Variants in GPR107 observed in about 807,000 individuals in gnomAD.
GPR107 encodes the protein protein GPR107.
A neutral mutation model predicts 75.5 loss-of-function variants in GPR107; 31 were observed. The observed-to-expected ratio is 0.41, with a 90% CI of 0.31 to 0.55. The LOEUF is 0.55. Among genes scored for constraint, GPR107 ranks in the 20% least tolerant of loss-of-function variants. The pLI is 0.26. For missense variants in GPR107, 572 were observed against 665.7 expected, an observed-to-expected ratio of 0.86 and a Z score of 1.55; for synonymous variants, 267 against 251.3, an observed-to-expected ratio of 1.06 and a Z score of -0.59.
Position 130,138,931 on chromosome 9 carries a change from A to G in GPR107, c.*3810A>G, listed in dbSNP as rs1261413383. 4 of 152,200 alleles carry G rather than the reference A, an allele frequency of 2.6e-5. No individual in the cohort carries two copies. The highest frequency in any genetic ancestry group is 9.7e-5 in the African/African-American group (4 of 41,436). 9.4% of individuals were successfully genotyped at this position (152,200 alleles called of 1,614,324 possible). On this transcript the variant is annotated 3_prime_UTR_variant, in exon 18 of 18. Transcript: ENST00000347136. ...TTTCTTTGAGGAAGGCTCTTAGAAC[A>G]TTAGATAGTCTGCTGAGGTTGTTGG...
At chr9:130,124,834 A>T in intron 14 of GPR107, 81 bp from the exon 15 acceptor site, 1 of 814,780 alleles carries the variant, frequency 1.2e-6, no homozygotes, top group Non-Finnish European at 2.0e-6. Context: ...TGGCCTCTTG[A>T]CTGAGAAGGT....
At position 130,104,456 on chromosome 9, in the gene GPR107, A is replaced by G; in HGVS notation, c.1168A>G (p.Thr390Ala). Reference sequence around the variant, plus strand: ...TGTAGCCTACATCATCATAGAGTCCACCGAGGAGGGCACGACTGAATATGG... The same window carrying G: ...TGTAGCCTACATCATCATAGAGTCCGCCGAGGAGGGCACGACTGAATATGG... ...ANVAYIIIES[T>A]EEGTTEYGLW... The change falls in exon 13 of 18, where the codon ACC (threonine) becomes GCC (alanine). Residue 390 changes from threonine to alanine, a missense_variant. Thr to Ala is a moderately conservative substitution (Grantham distance 58, BLOSUM62 0). Coordinates refer to ENST00000347136, the MANE Select transcript of GPR107 (RefSeq NM_020960.5). 6.2e-7 allele frequency: 1 copy of G among 1,613,558 alleles called. No individual in the cohort carries two copies. Among genetic ancestry groups the G allele is most frequent in the Non-Finnish European group, 8.5e-7 (1 of 1,179,484 alleles).
In GPR107 at chr9:130,112,325, C is replaced by A. The variant is rs571181250; in HGVS notation, c.1306+4786C>A. Among the ~76,000 whole-genome samples the A allele has an allele frequency of 8.5e-5, 13 of 152,312 alleles. No homozygotes were observed. The highest frequency in any genetic ancestry group is 3.1e-4 in the African/African-American group (13 of 41,570). ...CCATGCGAGGCATTTGTTAGGGCAGCGGTTCTCAAGGGGGTCCTCGGGATC... is the reference window on the plus strand; with the variant it reads ...CCATGCGAGGCATTTGTTAGGGCAGAGGTTCTCAAGGGGGTCCTCGGGATC... On this transcript the variant is annotated intron_variant, in intron 14 of 17. Coordinates refer to ENST00000347136, the MANE Select transcript of GPR107 (RefSeq NM_020960.5). This position sits in a 1 kb window ranked among gnomAD's most constrained non-coding sequence, Gnocchi z 4.0.
At chr9:130,083,433 A>C (rs1291486577) in intron 5 of GPR107, 132 bp from the exon 6 acceptor site, 6 of 464,300 alleles carry the variant, frequency 1.3e-5, no homozygotes, top group Non-Finnish European at 2.3e-5. Context: ...AGGAAATGGC[A>C]GTCCCCAAGA....
chr9:130,120,833 T>G (rs1831529105), intron 14 of GPR107: 1 of 152,224 alleles, frequency 6.6e-6, no homozygotes, highest in Non-Finnish European at 1.5e-5. Flanking sequence ...CTGTGACCCC[T>G]CTCCGTTGAT....
In GPR107 at chr9:130,093,178, C is replaced by T. The variant is rs910337279; in HGVS notation, c.863+797C>T. 4.6e-5 allele frequency among the ~76,000 whole-genome samples: 7 copies of T among 150,886 alleles called. No individual in the cohort carries two copies. In the East Asian group the frequency reaches 1.4e-3, roughly 30 times the overall value. On this transcript the variant is annotated intron_variant, in intron 9 of 17. Transcript: ENST00000347136. Reference sequence around the variant, plus strand: ...CCAGATACTTGTCACTGGACAAAACCTCTTCAAAGCCCATCTGCCTGGCTT... The same window carrying T: ...CCAGATACTTGTCACTGGACAAAACTTCTTCAAAGCCCATCTGCCTGGCTT...
intron 17 of GPR107, among the ~76,000 whole-genome samples, chr9:130,133,755 C>G (rs1831886826): frequency 6.6e-6 from 1 of 152,194 alleles, no homozygotes. Context: ...ATACCTTGTC[C>G]CAACTTTGCC....
At chr9:130,125,041 A>T (rs992615506) in intron 15 of GPR107, 77 bp downstream of exon 15, 1 of 548,074 alleles carries the variant, frequency 1.8e-6, no homozygotes. Flanking sequence ...CTTCCAAAGG[A>T]TTGGTGAAAG....
intron 15 of GPR107, among the ~76,000 whole-genome samples, chr9:130,127,158 C>T (rs1429157643): frequency 6.6e-6 from 1 of 152,116 alleles, no homozygotes; most frequent in African/African-American, 2.4e-5. Context: ...GAAATAAAAT[C>T]TTTGGAGATT....
chr9:130,060,895 A>G (rs1398455906), intron 1 of GPR107, among the ~76,000 whole-genome samples: 1 of 152,212 alleles, frequency 6.6e-6, no homozygotes, highest in Non-Finnish European at 1.5e-5. Context: ...CTTCTGGGCT[A>G]GTCATATTAG....
rs568696358 is a variant in GPR107 at position 130,122,312 on chromosome 9, A to T, written c.1307-2603A>T. Among the ~76,000 whole-genome samples the T allele has an allele frequency of 7.6e-4, 115 of 152,292 alleles. 1 individual carries two copies. The highest frequency in any genetic ancestry group is 2.0e-3 in the Admixed American group (30 of 15,300). ...GTTTGGGAGGGCCACGGTTCCGGTC[A>T]TGTCACTGGTTCTGTTAGGCAGAGT... On this transcript the variant is annotated intron_variant, in intron 14 of 17. Transcript: ENST00000347136.
Position 130,103,851 on chromosome 9 carries a change from C to T in GPR107, c.1132-569C>T, listed in dbSNP as rs1435548373. Among the ~76,000 whole-genome samples, 1 of 152,174 alleles carries T rather than the reference C, an allele frequency of 6.6e-6. No homozygotes were observed. The highest frequency in any genetic ancestry group is 2.4e-5 in the African/African-American group (1 of 41,426). On this transcript the variant is annotated intron_variant, in intron 12 of 17. Coordinates refer to ENST00000347136, the MANE Select transcript of GPR107 (RefSeq NM_020960.5). This position sits in a 1 kb window ranked among gnomAD's most constrained non-coding sequence, Gnocchi z 4.3. ...CACCCCAAAACTCAGCGACTTAAAA[C>T]GACAATAACCCGTCATTCTCTCTCT...
intron 15 of GPR107, among the ~76,000 whole-genome samples, chr9:130,125,730 AT>A (rs1831661020): frequency 6.7e-6 from 1 of 149,648 alleles, no homozygotes; most frequent in African/African-American, 2.5e-5. Context: ...TTCTGCAGCC[AT>A]TTTTGTTTTA....
chr9:130,081,974 G>A (rs1313211542), intron 5 of GPR107, among the ~76,000 whole-genome samples: 1 of 152,154 alleles, frequency 6.6e-6, no homozygotes, highest in East Asian at 1.9e-4. Context: ...TCTACTCCTG[G>A]TGAGGGCCTC....
intron 5 of GPR107, among the ~76,000 whole-genome samples, chr9:130,082,042 G>A (rs1215042123): frequency 6.6e-6 from 1 of 152,176 alleles, no homozygotes; most frequent in Non-Finnish European, 1.5e-5. Flanking sequence ...CATGGCGAGA[G>A]CAGGAGCAAG....
chr9:130,077,794 A>G (rs567948287), intron 4 of GPR107, among the ~76,000 whole-genome samples: 1 of 152,340 alleles, frequency 6.6e-6, no homozygotes, highest in South Asian at 2.1e-4. Flanking sequence ...TCCGGGCCTC[A>G]GTGTCCTTAC....
At chr9:130,068,423 C>A (rs889155162) in intron 1 of GPR107, among the ~76,000 whole-genome samples, 1 of 78,964 alleles carries the variant, frequency 1.3e-5, no homozygotes, top group African/African-American at 4.0e-5. Flanking sequence ...GCAACTGATT[C>A]AAATTTAAAA....
intron 1 of GPR107, among the ~76,000 whole-genome samples, chr9:130,065,464 C>T (rs748355646): frequency 3.3e-5 from 5 of 149,382 alleles, no homozygotes; most frequent in Non-Finnish European, 7.4e-5. Flanking sequence ...TAAATAAAAA[C>T]CCATTAAGTG....
intron 5 of GPR107, among the ~76,000 whole-genome samples, chr9:130,080,290 A>G (rs1589495645): frequency 6.6e-6 from 1 of 152,192 alleles, no homozygotes; most frequent in South Asian, 2.1e-4. Context: ...TTCAAAGGAT[A>G]TGAATGCATT....
Sources: gnomAD v4.1 joint callset for allele counts (sites outside exome capture counted in the v4.1 genomes callset) on GRCh38, gnomAD v4.1.1 for gene constraint, Gnocchi (gnomAD v3.1) non-coding constraint, MANE v1.5 for transcripts, NCBI Gene and HGNC (gene_info 2026-07-23, HGNC 2026-07-21) for gene names.